Variants in IL12RB1 observed in about 807,000 individuals in gnomAD.
The protein encoded by IL12RB1 is interleukin 12 receptor subunit beta 1.
A neutral mutation model predicts 94.4 loss-of-function variants in IL12RB1; 64 were observed. The observed-to-expected ratio is 0.68, with a 90% confidence interval of 0.55 to 0.83. The LOEUF (loss-of-function observed/expected upper bound fraction) is 0.83. Ranked by LOEUF, IL12RB1 falls within the 40% of genes least tolerant of loss-of-function variation. The probability of loss-of-function intolerance (pLI) is 0.00; values close to 1 mark genes in which losing one functional copy is unlikely to be tolerated. For missense variants in IL12RB1, 814 were observed against 855.6 expected (o/e 0.95, Z 0.61); for synonymous variants, 362 against 355.5 (o/e 1.02, Z -0.21).
intron 1 of IL12RB1, among the ~76,000 whole-genome samples, chr19:18,093,942 C>G (rs2036762071): frequency 6.6e-6 from 1 of 152,260 alleles, no homozygotes; most frequent in African/African-American, 2.4e-5. Flanking sequence ...GGCCAAGAGA[C>G]CCTGATGCCC....
intron 1 of IL12RB1, among the ~76,000 whole-genome samples, chr19:18,086,476 T>C (rs1469067818): frequency 1.3e-5 from 2 of 152,156 alleles, no homozygotes. Flanking sequence ...TGTATACCTA[T>C]TAGATACATA....
intron 11 of IL12RB1, among the ~76,000 whole-genome samples, chr19:18,066,935 G>A (rs2034626168): frequency 6.6e-6 from 1 of 151,852 alleles, no homozygotes; most frequent in Non-Finnish European, 1.5e-5. Context: ...GCTGAGGCAG[G>A]AGAATCACTT....
chr19:18,081,874 G>C (rs1030428727), intron 3 of IL12RB1, among the ~76,000 whole-genome samples: 1 of 151,896 alleles, frequency 6.6e-6, no homozygotes, highest in Non-Finnish European at 1.5e-5. Context: ...ATGGATGGAT[G>C]GATGGATGGA....
chr19:18,086,264 A>ATAAG (rs1402978223), intron 1 of IL12RB1, among the ~76,000 whole-genome samples: 18 of 138,212 alleles, frequency 1.3e-4, no homozygotes, highest in African/African-American at 5.0e-4. Flanking sequence ...AAATAAATAA[A>ATAAG]TAAATAAGTA....
chr19:18,083,663 G>A (rs896761210), intron 1 of IL12RB1, among the ~76,000 whole-genome samples, 172 bp from the exon 2 acceptor site: 1 of 131,356 alleles, frequency 7.6e-6, no homozygotes, highest in African/African-American at 2.9e-5. Context: ...GTATTTATCT[G>A]CCCATCTACC....
chr19:18,074,508 G>A (rs1293769735), intron 7 of IL12RB1, among the ~76,000 whole-genome samples: 1 of 152,168 alleles, frequency 6.6e-6, no homozygotes, highest in African/African-American at 2.4e-5. Context: ...AGCACTTTGG[G>A]AGACCGTGGT....
intron 12 of IL12RB1, among the ~76,000 whole-genome samples, chr19:18,064,291 C>T (rs1333948680): frequency 2.6e-5 from 4 of 151,610 alleles, no homozygotes; most frequent in African/African-American, 4.8e-5. Flanking sequence ...AGGCGCCCGC[C>T]ACCACGCCCA....
intron 9 of IL12RB1, among the ~76,000 whole-genome samples, 198 bp from the exon 10 acceptor site, chr19:18,069,911 TG>T (rs1297492868): frequency 6.6e-6 from 1 of 151,750 alleles, no homozygotes; most frequent in African/African-American, 2.4e-5. Context: ...AGATGGCGTT[TG>T]TTTTTTTTTG....
chr19:18,094,318 G>A (rs766047834), intron 1 of IL12RB1, among the ~76,000 whole-genome samples: 11 of 152,046 alleles, frequency 7.2e-5, no homozygotes, highest in Non-Finnish European at 1.5e-4. Context: ...TAGTAGAGAC[G>A]CGGTTTCACC....
chr19:18,077,254 C>T (rs142647625), intron 5 of IL12RB1, among the ~76,000 whole-genome samples: 1,795 of 151,882 alleles, frequency 0.012, 46 homozygotes, highest in African/African-American at 0.041. Context: ...CCCAGCTACT[C>T]GGGAGGCTGA....
intron 1 of IL12RB1, among the ~76,000 whole-genome samples, 158 bp downstream of exon 1, chr19:18,086,602 A>G (rs2036358004): frequency 6.6e-6 from 1 of 152,174 alleles, no homozygotes; most frequent in Non-Finnish European, 1.5e-5. Context: ...TCTAAGTTCG[A>G]TCCCAGAAGC....
At position 18,086,800 on chromosome 19, in the gene IL12RB1, C is replaced by A. The variant is rs770300060; in HGVS notation, c.24G>T (p.Val8=). Residue 8 remains valine (V), a synonymous_variant, in exon 1 of 17, where the codon GTG becomes GTT. Transcript: ENST00000593993. MEPLVTW[V]VPLLFLFLLS... ...GCAGGAAGAGGAAGAGGAGGGGGAC[C>A]ACCCAGGTCACCAGCGGCTCCATCG... 1 of 1,611,884 alleles carries A rather than the reference C, an allele frequency of 6.2e-7. No individual in the cohort carries two copies. The highest frequency in any genetic ancestry group is 1.1e-5 in the South Asian group (1 of 90,806).
At position 18,098,555 on chromosome 19, in the gene IL12RB1, C is replaced by A. The variant is rs548359440; in HGVS notation, c.-230+200G>T. 4.6e-5 allele frequency among the ~76,000 whole-genome samples: 7 copies of A among 152,230 alleles called. No homozygotes were observed. The East Asian group carries it at 1.4e-3, about 29-fold the overall frequency. ...GAGGTAGGGACACAGGCGTCGGGGA[C>A]AGCAGAAGCCTAAGTTTGAAGCCAC... On this transcript the variant is annotated intron_variant, in intron 1 of 4. Coordinates refer to the IL12RB1 transcript ENST00000594176.
chr19:18,093,029 G>A (rs191207841), intron 1 of IL12RB1, among the ~76,000 whole-genome samples: 71 of 152,102 alleles, frequency 4.7e-4, no homozygotes, highest in African/African-American at 1.5e-3. Flanking sequence ...GTTAGGCCGG[G>A]CACAGTGGCT....
At chr19:18,083,272 G>T in intron 2 of IL12RB1, 160 bp downstream of exon 2, 1 of 759,204 alleles carries the variant, frequency 1.3e-6, no homozygotes. Flanking sequence ...ACTTGAACCT[G>T]GTAAGAATGG....
chr19:18,089,544 G>A (rs969943679), upstream of IL12RB1, among the ~76,000 whole-genome samples: 6 of 150,828 alleles, frequency 4.0e-5, 1 homozygote, highest in East Asian at 1.2e-3. Flanking sequence ...AGAATCGCTT[G>A]AACCCGGGAG....
At chr19:18,069,311 T>C (rs2034833283) in intron 10 of IL12RB1, among the ~76,000 whole-genome samples, 1 of 152,194 alleles carries the variant, frequency 6.6e-6, no homozygotes, top group South Asian at 2.1e-4. Context: ...ATTACCTGTA[T>C]GTGTGTGATC....
At chr19:18,076,255 A>G (rs1456006351) in intron 6 of IL12RB1, 42 bp downstream of exon 6, 3 of 1,077,154 alleles carry the variant, frequency 2.8e-6, no homozygotes, top group Non-Finnish European at 4.4e-6. Flanking sequence ...ATTAATGCCA[A>G]TTTGCTGCAG....
At chr19:18,062,570 C>T (rs2034220402) in intron 13 of IL12RB1, among the ~76,000 whole-genome samples, 1 of 152,088 alleles carries the variant, frequency 6.6e-6, no homozygotes, top group Admixed American at 6.6e-5. Context: ...GTCAGGAGTT[C>T]GAGACCAGCC....
Sources: gnomAD v4.1 joint callset for allele counts (sites outside exome capture counted in the v4.1 genomes callset) on GRCh38, gnomAD v4.1.1 for gene constraint, MANE v1.5 for transcripts, NCBI Gene and HGNC (gene_info 2026-07-23, HGNC 2026-07-21) for gene names.